The following SLC6A11 variants were observed in gnomAD, a reference collection of about 807,000 sequenced individuals.
The protein encoded by SLC6A11 is solute carrier family 6 member 11.
In SLC6A11, 25 loss-of-function variants were observed where a neutral mutation model predicts 74.8. The observed-to-expected ratio is 0.33, with a 90% CI of 0.24 to 0.47. The LOEUF is 0.47. Among genes scored for constraint, SLC6A11 ranks in the 20% least tolerant of loss-of-function variants. The pLI is 1.00. For synonymous variants in SLC6A11, 330 were observed against 330.2 expected (o/e 1.00, Z 0.01); for missense variants, 574 against 837.0 (o/e 0.69, Z 3.88).
chr3:10,916,171 TC>T (rs112500938), intron 7 of SLC6A11, among the ~76,000 whole-genome samples: 42 of 152,330 alleles, frequency 2.8e-4, no homozygotes, highest in African/African-American at 1.0e-3. Context: ...AGCAGATGTA[TC>T]CCAACCTTAG....
In SLC6A11 at chr3:10,916,040, G is replaced by A. The variant is rs547503341; in HGVS notation, c.996-2289G>A. On this transcript the variant is annotated intron_variant, in intron 7 of 13. Coordinates refer to ENST00000254488, the MANE Select transcript of SLC6A11 (RefSeq NM_014229.3). The stretch of plus-strand genomic sequence containing the variant: ...ATACTGCAGGTCCTGAAAGCATCAC[G>A]TGGGAGAATTCCAGAATGGAGAGGC... Among the ~76,000 whole-genome samples the A allele has an allele frequency of 1.1e-3, 172 of 152,174 alleles. 1 individual carries two copies. Among genetic ancestry groups the A allele is most frequent in the Middle Eastern group, 3.2e-3 (1 of 316 alleles).
At chr3:10,887,732 C>G (rs530691973) in intron 6 of SLC6A11, among the ~76,000 whole-genome samples, 9 of 152,280 alleles carry the variant, frequency 5.9e-5, no homozygotes, top group African/African-American at 2.2e-4. Context: ...TGTGAGCTAC[C>G]GTGCCCTGCT....
intron 6 of SLC6A11, among the ~76,000 whole-genome samples, chr3:10,882,225 C>T (rs886230344): frequency 6.6e-6 from 1 of 152,194 alleles, no homozygotes; most frequent in African/African-American, 2.4e-5. Context: ...CCTTGGGAGC[C>T]ATTTTACTTT....
intron 4 of SLC6A11, chr3:10,824,077 C>T (rs1453183937): frequency 6.6e-6 from 1 of 152,654 alleles, no homozygotes; most frequent in Non-Finnish European, 1.5e-5. Context: ...GATCTGTGAC[C>T]CTTACAGGGC....
chr3:10,827,905 C>T (rs1203396716), intron 4 of SLC6A11, among the ~76,000 whole-genome samples: 2 of 152,152 alleles, frequency 1.3e-5, no homozygotes, highest in East Asian at 1.9e-4. Flanking sequence ...GCTTAGCCCA[C>T]GAGAGAAGTT....
intron 5 of SLC6A11, among the ~76,000 whole-genome samples, chr3:10,846,703 G>A (rs969671170): frequency 1.3e-5 from 2 of 152,208 alleles, no homozygotes; most frequent in Admixed American, 6.5e-5. Flanking sequence ...AGGCAAGGGA[G>A]TGAACACTTA....
At chr3:10,848,054 A>G (rs889381968) in intron 5 of SLC6A11, among the ~76,000 whole-genome samples, 1 of 152,212 alleles carries the variant, frequency 6.6e-6, no homozygotes, top group Non-Finnish European at 1.5e-5. Flanking sequence ...CTCAAGCCTC[A>G]GCACAAATTT....
At chr3:10,901,404 C>T (rs971844610) in intron 6 of SLC6A11, among the ~76,000 whole-genome samples, 21 of 152,380 alleles carry the variant, frequency 1.4e-4, no homozygotes, top group African/African-American at 4.8e-4. Flanking sequence ...CACACCCAAA[C>T]TCCCCCTGCA....
At chr3:10,823,425 G>T (rs1170814843) in intron 4 of SLC6A11, 33 bp downstream of exon 4, 1 of 1,422,020 alleles carries the variant, frequency 7.0e-7, no homozygotes, top group East Asian at 2.3e-5. Context: ...CCCTTGGCCT[G>T]TGGGGGCTCT....
At chr3:10,825,410 G>C (rs1317526316) in intron 4 of SLC6A11, 3 of 152,046 alleles carry the variant, frequency 2.0e-5, no homozygotes, top group Admixed American at 2.0e-4. Flanking sequence ...CTGTACCTGT[G>C]AACTTCAGGT....
chr3:10,875,138 T>G, intron 6 of SLC6A11, 43 bp downstream of exon 6: 2 of 1,517,866 alleles, frequency 1.3e-6, no homozygotes, highest in Non-Finnish European at 8.9e-7. Context: ...CCACCACCAC[T>G]GGGAAGCCTT....
intron 6 of SLC6A11, among the ~76,000 whole-genome samples, chr3:10,884,152 G>C (rs73812310): frequency 6.6e-6 from 1 of 152,108 alleles, no homozygotes; most frequent in Non-Finnish European, 1.5e-5. Flanking sequence ...CATCATGCAC[G>C]CTTAAAGGTA....
Position 10,929,183 on chromosome 3 carries a change from A to G in SLC6A11, c.1234-19A>G, listed in dbSNP as rs1306224210. ...CAGCCTTGTCCTTGAGTTTCACACC[A>G]TCATATCTCCCCATCCAGTTTGTGT... On this transcript the variant is annotated intron_variant, in intron 9 of 13. Coordinates refer to ENST00000254488, the MANE Select transcript of SLC6A11 (RefSeq NM_014229.3). 8 of 1,612,842 alleles carry G rather than the reference A, an allele frequency of 5.0e-6. No homozygotes were observed. In the African/African-American group the frequency reaches 9.3e-5, roughly 19 times the overall value.
At position 10,934,132 on chromosome 3, in the gene SLC6A11, G is replaced by T. The variant is rs1400427203; in HGVS notation, c.1541G>T (p.Trp514Leu). The T allele has an allele frequency of 1.2e-6, 2 of 1,613,826 alleles. No homozygotes were observed. The highest frequency in any genetic ancestry group is 1.7e-6 in the Non-Finnish European group (2 of 1,179,712). Reference protein sequence around the residue: ...IGYRPPSLIKWCWMIMTPGIC... With the variant: ...IGYRPPSLIKLCWMIMTPGIC... ...TACCGGCCACCGTCGCTCATTAAGT[G>T]GTGCTGGATGATCATGACCCCTGGG... The change falls in exon 12 of 14, where the codon TGG becomes TTG. Residue 514 changes from tryptophan (W) to leucine (L), a missense_variant. Coordinates refer to ENST00000254488, the MANE Select transcript of SLC6A11 (RefSeq NM_014229.3).
intron 5 of SLC6A11, among the ~76,000 whole-genome samples, chr3:10,872,475 G>GA (rs1694839142): frequency 6.6e-6 from 1 of 152,132 alleles, no homozygotes; most frequent in South Asian, 2.1e-4. Flanking sequence ...AGCCCTTCTG[G>GA]ACTGCTCTTG....
intron 5 of SLC6A11, among the ~76,000 whole-genome samples, chr3:10,854,053 C>T (rs1161312060): frequency 6.6e-6 from 1 of 152,260 alleles, no homozygotes; most frequent in Non-Finnish European, 1.5e-5. Context: ...GTGGCACTGA[C>T]ACTGATTTTT....
intron 5 of SLC6A11, among the ~76,000 whole-genome samples, chr3:10,867,709 A>G (rs896617515): frequency 2.0e-5 from 3 of 152,184 alleles, no homozygotes; most frequent in Non-Finnish European, 4.4e-5. Flanking sequence ...TAATCCATGA[A>G]CCCAGACTGC....
intron 9 of SLC6A11, among the ~76,000 whole-genome samples, chr3:10,928,477 TC>T (rs1430474956): frequency 3.3e-5 from 5 of 152,074 alleles, no homozygotes; most frequent in African/African-American, 1.2e-4. Context: ...GTGGTCGGTA[TC>T]TTAGGATATT....
At chr3:10,900,021 A>G (rs1695221490) in intron 6 of SLC6A11, among the ~76,000 whole-genome samples, 1 of 152,240 alleles carries the variant, frequency 6.6e-6, no homozygotes, top group Non-Finnish European at 1.5e-5. Flanking sequence ...CACTGAAGGC[A>G]GAAGAGTGCT....
Sources: allele counts gnomAD v4.1 joint callset (sites outside exome capture counted in the v4.1 genomes callset), GRCh38; gene constraint gnomAD v4.1.1; transcripts MANE v1.5; gene names NCBI Gene and HGNC (gene_info 2026-07-23, HGNC 2026-07-21).